The following RBMS3 variants were observed in gnomAD, a reference collection of about 807,000 sequenced individuals.
RBMS3 encodes the protein RNA binding motif single stranded interacting protein 3, also known as RNA-binding motif, single-stranded-interacting protein 3.
In RBMS3, 27 loss-of-function variants were observed where a neutral mutation model predicts 66.8. The observed-to-expected ratio is 0.40, with a 90% CI of 0.30 to 0.56. The LOEUF is 0.56. Ranked by LOEUF, RBMS3 falls within the 20% of genes least tolerant of loss-of-function variation. RBMS3 has a pLI of 0.40. For missense variants in RBMS3, 513 were observed against 549.5 expected, an observed-to-expected ratio of 0.93 and a Z score of 0.66; for synonymous variants, 188 against 183.0, an observed-to-expected ratio of 1.03 and a Z score of -0.22.
intron 2 of RBMS3, among the ~76,000 whole-genome samples, chr3:29,478,400 G>C (rs2043021359): frequency 6.6e-6 from 1 of 152,116 alleles, no homozygotes; most frequent in Non-Finnish European, 1.5e-5. Context: ...TCACATGATG[G>C]AAGTGACAAG....
At chr3:29,650,392 A>G (rs562294803) in intron 4 of RBMS3, among the ~76,000 whole-genome samples, 1 of 151,510 alleles carries the variant, frequency 6.6e-6, no homozygotes, top group Non-Finnish European at 1.5e-5. Context: ...TGGGGCTCAA[A>G]CAATCCTCCT....
At chr3:29,931,233 T>C (rs2061113476) in intron 10 of RBMS3, among the ~76,000 whole-genome samples, 6 of 152,212 alleles carry the variant, frequency 3.9e-5, no homozygotes, top group Admixed American at 6.5e-5. Context: ...TTCCTATTTA[T>C]AGAGATTACA....
chr3:29,611,086 T>C (rs1338085136), intron 4 of RBMS3, among the ~76,000 whole-genome samples: 2 of 152,048 alleles, frequency 1.3e-5, no homozygotes, highest in East Asian at 3.9e-4. Context: ...TGAATTAGAA[T>C]GCTGAACATT....
At chr3:29,685,475 T>A (rs1362503362) in intron 4 of RBMS3, among the ~76,000 whole-genome samples, 3 of 152,144 alleles carry the variant, frequency 2.0e-5, no homozygotes, top group African/African-American at 7.2e-5. Context: ...CTATTCTACC[T>A]TTTTTTGTCC....
At chr3:30,001,240 C>G (rs1699596226) in intron 14 of RBMS3, among the ~76,000 whole-genome samples, 1 of 152,058 alleles carries the variant, frequency 6.6e-6, no homozygotes, top group African/African-American at 2.4e-5. Context: ...TTTCCACACT[C>G]TGGATCACAG....
At chr3:29,918,213 G>A (rs1220669686) in intron 10 of RBMS3, among the ~76,000 whole-genome samples, 2 of 151,848 alleles carry the variant, frequency 1.3e-5, no homozygotes, top group Non-Finnish European at 2.9e-5. Context: ...AAATCAAGTT[G>A]GCAGATTAAT....
chr3:29,553,152 C>T (rs1035102833), intron 3 of RBMS3, among the ~76,000 whole-genome samples: 1 of 152,128 alleles, frequency 6.6e-6, no homozygotes, highest in Admixed American at 6.5e-5. Context: ...TGCTTTTATT[C>T]CCAAGTTACT....
intron 4 of RBMS3, among the ~76,000 whole-genome samples, chr3:29,722,927 T>G (rs1442756855): frequency 6.6e-6 from 1 of 152,074 alleles, no homozygotes; most frequent in Non-Finnish European, 1.5e-5. Flanking sequence ...TGGAGATTGA[T>G]GTACATTTCC....
intron 3 of RBMS3, among the ~76,000 whole-genome samples, chr3:29,512,144 T>C (rs9821899): frequency 0.083 from 12,594 of 151,878 alleles, 928 homozygotes; most frequent in East Asian, 0.39. Context: ...AAAGAAAAAA[T>C]GGGAAAGTCT....
chr3:29,521,485 G>A (rs1470639467), intron 3 of RBMS3, among the ~76,000 whole-genome samples: 1 of 152,184 alleles, frequency 6.6e-6, no homozygotes, highest in Non-Finnish European at 1.5e-5. Context: ...TAATCCTATA[G>A]CCAGGTCTCC....
At chr3:29,555,416 A>G (rs747431272) in intron 3 of RBMS3, among the ~76,000 whole-genome samples, 11 of 152,144 alleles carry the variant, frequency 7.2e-5, no homozygotes, top group Non-Finnish European at 1.5e-4. Context: ...CCTCTTGTCT[A>G]CAAACAGAAA....
intron 3 of RBMS3, among the ~76,000 whole-genome samples, chr3:29,542,549 C>T (rs1001510979): frequency 3.3e-5 from 5 of 152,066 alleles, no homozygotes; most frequent in South Asian, 2.1e-4. Context: ...TTTGTAGGGA[C>T]GGGGTTTCAC....
intron 12 of RBMS3, among the ~76,000 whole-genome samples, chr3:29,970,656 C>T (rs894045544): frequency 6.6e-6 from 1 of 152,140 alleles, no homozygotes; most frequent in African/African-American, 2.4e-5. Context: ...CAATCCCATA[C>T]CCTTTAGAAG....
chr3:29,597,986 T>C (rs1174857676), intron 4 of RBMS3, among the ~76,000 whole-genome samples: 1 of 152,136 alleles, frequency 6.6e-6, no homozygotes, highest in East Asian at 1.9e-4. Flanking sequence ...TACTCTTTTC[T>C]GATTCAAAGG....
intron 4 of RBMS3, among the ~76,000 whole-genome samples, chr3:29,710,438 C>G (rs1384154200): frequency 6.6e-6 from 1 of 152,168 alleles, no homozygotes; most frequent in Non-Finnish European, 1.5e-5. Flanking sequence ...TAAGGAAGTT[C>G]TCAGTAAACC....
intron 4 of RBMS3, among the ~76,000 whole-genome samples, chr3:29,654,174 A>G (rs986967436): frequency 6.6e-6 from 1 of 152,194 alleles, no homozygotes; most frequent in Non-Finnish European, 1.5e-5. Flanking sequence ...GATAGGGAAA[A>G]TTGGCAGAAA....
intron 4 of RBMS3, among the ~76,000 whole-genome samples, chr3:29,598,511 T>C (rs890849357): frequency 2.0e-5 from 3 of 152,092 alleles, no homozygotes; most frequent in Admixed American, 6.6e-5. Context: ...ACTTAATTAT[T>C]TTATACAAAA....
intron 1 of RBMS3, among the ~76,000 whole-genome samples, chr3:29,364,409 G>A (rs1164753371): frequency 6.6e-6 from 1 of 152,034 alleles, no homozygotes; most frequent in African/African-American, 2.4e-5. Flanking sequence ...GAGCTTCCAG[G>A]GGTTTTATCA....
In RBMS3 at chr3:29,524,602, A is replaced by ATTT. The variant is rs1273815210; in HGVS notation, c.307+36105_307+36107dup. On this transcript the variant is annotated intron_variant, in intron 3 of 14. Coordinates refer to ENST00000383767, the MANE Select transcript of RBMS3 (RefSeq NM_001003793.3). ...ACCACTGCGCCCAGCCAACTTTTGC[A>ATTT]TTTTATTTATTTATTTTTTTTAGTA... is the stretch of plus-strand genomic sequence containing the variant. Among the ~76,000 whole-genome samples the ATTT allele has an allele frequency of 6.7e-5, 10 of 148,598 alleles. 1 individual carries two copies. The highest frequency in any genetic ancestry group is 6.0e-4 in the East Asian group (3 of 5,000).
Sources: gnomAD v4.1 joint callset for allele counts (sites outside exome capture counted in the v4.1 genomes callset) on GRCh38, gnomAD v4.1.1 for gene constraint, MANE v1.5 for transcripts, NCBI Gene and HGNC (gene_info 2026-07-23, HGNC 2026-07-21) for gene names.